LYPD8: variants seen among roughly 807,000 people sequenced by gnomAD.
The protein encoded by LYPD8 is ly6/PLAUR domain-containing protein 8.
Under a neutral mutation model 1.7 loss-of-function variants are expected in LYPD8, and 8 were observed. That is an observed-to-expected ratio of 4.58 (90% confidence interval 2.69 to 8.27). The LOEUF (loss-of-function observed/expected upper bound fraction) is 8.27. Ranked by LOEUF, LYPD8 falls within the 30% of genes most tolerant of loss-of-function variation. The pLI is 0.00. For synonymous variants in LYPD8, 50 were observed against 43.6 expected, an observed-to-expected ratio of 1.15 and a Z score of -0.58; for missense variants, 112 against 102.3, an observed-to-expected ratio of 1.09 and a Z score of -0.41.
chr1:248,745,344 G>A (rs1662712714), intron 5 of LYPD8, 65 bp from the exon 6 acceptor site: 1 of 397,606 alleles, frequency 2.5e-6, no homozygotes, highest in African/African-American at 2.1e-5. Flanking sequence ...GAAGGGGATA[G>A]GCAAGCAAAG....
At chr1:248,752,188 C>A (rs1662811095) in intron 2 of LYPD8, among the ~76,000 whole-genome samples, 1 of 152,064 alleles carries the variant, frequency 6.6e-6, no homozygotes, top group Non-Finnish European at 1.5e-5. Context: ...TCAGGAGCCA[C>A]ATGTGGCTGT....
intron 4 of LYPD8, among the ~76,000 whole-genome samples, chr1:248,749,896 A>G (rs1382627439): frequency 6.6e-6 from 1 of 151,892 alleles, no homozygotes; most frequent in African/African-American, 2.4e-5. Context: ...GTTTAATTTA[A>G]AATACCATAG....
intron 2 of LYPD8, among the ~76,000 whole-genome samples, chr1:248,752,508 C>CA (rs1662815270): frequency 6.7e-6 from 1 of 149,016 alleles, no homozygotes; most frequent in Non-Finnish European, 1.5e-5. Flanking sequence ...CCACACACAC[C>CA]AAACANCCCA....
At chr1:248,752,761 C>CATACACACCA (rs1662827665) in intron 2 of LYPD8, among the ~76,000 whole-genome samples, 1 of 108,136 alleles carries the variant, frequency 9.2e-6, no homozygotes, top group Admixed American at 9.2e-5. Flanking sequence ...CCCACACACA[C>CATACACACCA]CACACACCCC....
At chr1:248,742,952 G>A (rs551875865) in intron 6 of LYPD8, among the ~76,000 whole-genome samples, 10 of 121,770 alleles carry the variant, frequency 8.2e-5, no homozygotes, top group East Asian at 2.7e-4. Flanking sequence ...GTTGGCAGCC[G>A]GGGGAGATTA....
At chr1:248,746,632 C>G (rs1447070862) in intron 5 of LYPD8, among the ~76,000 whole-genome samples, 19 of 112,854 alleles carry the variant, frequency 1.7e-4, no homozygotes, top group East Asian at 1.3e-3. Flanking sequence ...ACGGCCAGCA[C>G]CCACCCAGGG....
At chr1:248,753,381 CCA>C (rs1662863392) in intron 2 of LYPD8, among the ~76,000 whole-genome samples, 1 of 126,800 alleles carries the variant, frequency 7.9e-6, no homozygotes, top group African/African-American at 3.1e-5. Context: ...ACACCACACA[CCA>C]CACACAACAC....
chr1:248,744,547 G>GTCAAATGTGGATCTCACAATGGGTAGCA (rs1662690458), intron 6 of LYPD8, among the ~76,000 whole-genome samples: 4 of 131,818 alleles, frequency 3.0e-5, no homozygotes, highest in African/African-American at 1.7e-4. Context: ...AATGGGTAGC[G>GTCAAATGTGGATCTCACAATGGGTAGCA]TCAAATGTGG....
At chr1:248,744,525 T>C (rs1407783632) in intron 6 of LYPD8, among the ~76,000 whole-genome samples, 3 of 151,658 alleles carry the variant, frequency 2.0e-5, no homozygotes, top group Non-Finnish European at 4.4e-5. Context: ...TAGCGTCAAA[T>C]GTGGATCTCA....
At chr1:248,748,215 G>A (rs1662741729) in intron 5 of LYPD8, 74 bp downstream of exon 5, 1 of 340,244 alleles carries the variant, frequency 2.9e-6, no homozygotes, top group Non-Finnish European at 5.0e-6. Context: ...CCCCCGCACG[G>A]CCAGCACCCA....
rs1180506663 is a variant in LYPD8, at chr1:248,739,564, TCA to T, written c.*45_*46del. On this transcript the variant is annotated 3_prime_UTR_variant, in exon 7 of 7. Transcript: ENST00000590317. The surrounding 1 kb of genome is among the most constrained non-coding windows in gnomAD (Gnocchi z 4.3). The stretch of plus-strand genomic sequence containing the variant: ...AGCACCGCAGGGGGTGCTCTGGACC[TCA>T]GAGAAGCAGAAATGGGGTGCTGGGC... 27 of 1,549,052 alleles carry T rather than the reference TCA, an allele frequency of 1.7e-5. No individual in the cohort carries two copies. The East Asian group carries it at 6.6e-4, about 38-fold the overall frequency.
At chr1:248,751,738 A>T (rs959131562) in intron 2 of LYPD8, among the ~76,000 whole-genome samples, 31 of 152,214 alleles carry the variant, frequency 2.0e-4, no homozygotes, top group Non-Finnish European at 4.0e-4. Context: ...TACTTCTGGG[A>T]GGTATCAGAA....
rs146744131 is a variant in LYPD8 at position 248,739,906 on chromosome 1, C to T, written c.476-57G>A. On this transcript the variant is annotated intron_variant, in intron 6 of 6. Coordinates refer to ENST00000590317, the MANE Select transcript of LYPD8 (RefSeq NM_001085474.2). The surrounding 1 kb of genome is among the most constrained non-coding windows in gnomAD (Gnocchi z 4.3). The stretch of plus-strand genomic sequence containing the variant: ...ACTCAGTCCTTTGTCCTTCCACCCA[C>T]GCCTGCTCTTAGTTCTTCACCTGCA... The T allele has an allele frequency of 6.8e-3, 10,493 of 1,543,858 alleles. 45 individuals carry two copies. Among genetic ancestry groups the T allele is most frequent in the Non-Finnish European group, 8.3e-3 (9,468 of 1,143,216 alleles).
At chr1:248,753,000 CACACCACATCAT>C (rs1662843160) in intron 2 of LYPD8, among the ~76,000 whole-genome samples, 1 of 37,138 alleles carries the variant, frequency 2.7e-5, no homozygotes, top group Non-Finnish European at 6.1e-5. Flanking sequence ...CACACACAAA[CACACCACATCAT>C]ACACACACCA....
chr1:248,753,089 T>C (rs1358383442), intron 2 of LYPD8, among the ~76,000 whole-genome samples: 1,269 of 21,744 alleles, frequency 0.058, 27 homozygotes, highest in African/African-American at 0.18. Flanking sequence ...CACACCACAC[T>C]ACACACACAC....
intron 2 of LYPD8, among the ~76,000 whole-genome samples, chr1:248,752,736 ACACACAC>A: frequency 9.1e-6 from 1 of 110,410 alleles, no homozygotes; most frequent in African/African-American, 3.4e-5. Flanking sequence ...CACACACATC[ACACACAC>A]CACACACCCC....
chr1:248,750,242 T>C (rs1662776657), intron 4 of LYPD8, among the ~76,000 whole-genome samples: 1 of 152,186 alleles, frequency 6.6e-6, no homozygotes, highest in African/African-American at 2.4e-5. Context: ...GAGCTGTCCT[T>C]GCTTCTCACA....
chr1:248,741,662 G>A (rs568684973), intron 6 of LYPD8, among the ~76,000 whole-genome samples: 1 of 152,344 alleles, frequency 6.6e-6, no homozygotes, highest in Admixed American at 6.5e-5. Flanking sequence ...AGTCCTATGA[G>A]AAAGAGGAAA....
chr1:248,753,089 TA>T (rs1662848347), intron 2 of LYPD8, among the ~76,000 whole-genome samples: 2 of 21,932 alleles, frequency 9.1e-5, no homozygotes, highest in African/African-American at 4.4e-4. Flanking sequence ...CACACCACAC[TA>T]CACACACACC....
Sources: gnomAD v4.1 joint callset for allele counts (sites outside exome capture counted in the v4.1 genomes callset) on GRCh38, gnomAD v4.1.1 for gene constraint, Gnocchi (gnomAD v3.1) non-coding constraint, MANE v1.5 for transcripts, NCBI Gene and HGNC (gene_info 2026-07-23, HGNC 2026-07-21) for gene names.